OCA2: variants seen among roughly 807,000 people sequenced by gnomAD.
The protein encoded by OCA2 is OCA2 melanosomal transmembrane protein, also known as P protein.
OCA2 carries 77 observed loss-of-function variants against 100.2 expected under a neutral mutation model. The ratio of observed to expected loss-of-function variants is 0.77; its 90% CI spans 0.64 to 0.93. The LOEUF is 0.93. Among genes scored for constraint, OCA2 ranks in the 40% least tolerant of loss-of-function variants. The pLI is 0.00. For missense variants in OCA2, 1,062 were observed against 1,089.1 expected (o/e 0.98, Z 0.35); for synonymous variants, 432 against 439.2 (o/e 0.98, Z 0.21).
intron 9 of OCA2, among the ~76,000 whole-genome samples, chr15:28,003,626 A>C (rs929764805): frequency 6.7e-6 from 1 of 149,554 alleles, no homozygotes; most frequent in African/African-American, 2.6e-5. Context: ...TCCGTGGTGC[A>C]GCGCGTGAGC....
chr15:27,857,323 G>A (rs1055450694), intron 21 of OCA2, among the ~76,000 whole-genome samples: 26 of 152,170 alleles, frequency 1.7e-4, no homozygotes, highest in African/African-American at 5.8e-4. Context: ...AAGATACGAC[G>A]TTTGAAATTA....
chr15:28,020,004 G>C (rs1468611467), intron 6 of OCA2, among the ~76,000 whole-genome samples: 1 of 152,184 alleles, frequency 6.6e-6, no homozygotes. Flanking sequence ...GACCCACTGC[G>C]CTGGAGGACG....
At chr15:27,874,006 A>G (rs1187004435) in intron 19 of OCA2, among the ~76,000 whole-genome samples, 3 of 152,220 alleles carry the variant, frequency 2.0e-5, no homozygotes, top group African/African-American at 7.2e-5. Flanking sequence ...GTGAAACATC[A>G]TTAGTCTGTC....
intron 21 of OCA2, among the ~76,000 whole-genome samples, chr15:27,854,238 T>G (rs964137898): frequency 2.0e-4 from 30 of 152,208 alleles, no homozygotes; most frequent in Non-Finnish European, 3.1e-4. Context: ...TGGGCACTGC[T>G]GCTGCCCTGG....
At chr15:27,754,520 C>T (rs757217491), downstream of OCA2, among the ~76,000 whole-genome samples, 19 of 152,216 alleles carry the variant, frequency 1.2e-4, no homozygotes, top group Non-Finnish European at 1.8e-4. Context: ...GAGGAGACCT[C>T]GCAGGAAGCA....
Position 28,018,500 on chromosome 15 carries a change from G to GC in OCA2, c.703dup (p.Ala235GlyfsTer24). 6.2e-7 allele frequency: 1 copy of GC among 1,613,716 alleles called. No homozygotes were observed. The stretch of plus-strand genomic sequence containing the variant: ...ACGACTCGGCCCACTGGCCACTAGG[G>GC]CCCCTGCCAGGTCCACCTGCAGCAG... On this transcript the variant is annotated frameshift_variant, in exon 7 of 24. Transcript: ENST00000354638. LOFTEE classifies it high-confidence loss of function.
intron 22 of OCA2, among the ~76,000 whole-genome samples, chr15:27,847,286 G>A (rs1416790151): frequency 6.6e-6 from 1 of 152,230 alleles, no homozygotes; most frequent in African/African-American, 2.4e-5. Context: ...GGAGACAGAG[G>A]GCGGGGAGCT....
At chr15:27,845,961 T>C (rs1352925092) in intron 22 of OCA2, among the ~76,000 whole-genome samples, 1 of 152,134 alleles carries the variant, frequency 6.6e-6, no homozygotes, top group African/African-American at 2.4e-5. Context: ...CACGTCCCCA[T>C]GAAGACACAG....
At chr15:27,810,943 T>C (rs1216184816) in intron 23 of OCA2, among the ~76,000 whole-genome samples, 1 of 152,170 alleles carries the variant, frequency 6.6e-6, no homozygotes, top group African/African-American at 2.4e-5. Flanking sequence ...TAGTACAACC[T>C]CTATGGAAAA....
At chr15:27,721,382 T>C in the OCA2 span, among the ~76,000 whole-genome samples, 1 of 152,058 alleles carries the variant, frequency 6.6e-6, no homozygotes, top group African/African-American at 2.4e-5. Context: ...CACAAGAAAA[T>C]TATGTAATTT....
intron 18 of OCA2, 88 bp downstream of exon 18, chr15:27,951,696 G>T: frequency 1.0e-6 from 1 of 987,704 alleles, no homozygotes; most frequent in Non-Finnish European, 1.6e-6. Flanking sequence ...GGCTGCCTGT[G>T]GGCAAAGTCA....
chr15:27,955,460 T>C (rs186654247), intron 16 of OCA2, among the ~76,000 whole-genome samples: 2 of 152,312 alleles, frequency 1.3e-5, no homozygotes, highest in Non-Finnish European at 1.5e-5. Context: ...AGGAGGTACA[T>C]GTGACAGCTT....
At chr15:27,909,909 A>G (rs1249292645) in intron 19 of OCA2, among the ~76,000 whole-genome samples, 3 of 152,192 alleles carry the variant, frequency 2.0e-5, no homozygotes, top group Non-Finnish European at 4.4e-5. Flanking sequence ...AAATAAACAA[A>G]GACACACTAT....
intron 23 of OCA2, among the ~76,000 whole-genome samples, chr15:27,844,517 T>G (rs191076946): frequency 1.3e-5 from 2 of 151,898 alleles, no homozygotes; most frequent in African/African-American, 4.8e-5. Context: ...TCCCAGCAAT[T>G]TTTTTTTTCT....
intron 22 of OCA2, among the ~76,000 whole-genome samples, chr15:27,846,091 T>C (rs1237844074): frequency 6.6e-6 from 1 of 152,044 alleles, no homozygotes; most frequent in African/African-American, 2.4e-5. Flanking sequence ...GCCCCAGGCC[T>C]TTCTGTAGAC....
chr15:27,974,275 T>C (rs995311449), intron 14 of OCA2, among the ~76,000 whole-genome samples: 13 of 152,350 alleles, frequency 8.5e-5, no homozygotes, highest in Non-Finnish European at 1.9e-4. Context: ...TTCTTCCTAT[T>C]TGAGTTCCTT....
chr15:28,093,044 C>T (rs968707336), intron 1 of OCA2, among the ~76,000 whole-genome samples: 4 of 151,940 alleles, frequency 2.6e-5, no homozygotes, highest in East Asian at 3.9e-4. Context: ...AGGATATGCA[C>T]ACGGCAACTA....
chr15:28,042,969 T>C (rs2043249304), intron 2 of OCA2, among the ~76,000 whole-genome samples: 1 of 152,190 alleles, frequency 6.6e-6, no homozygotes, highest in Admixed American at 6.5e-5. Flanking sequence ...CTAGTTTCAT[T>C]ACAGAGGGTG....
intron 19 of OCA2, among the ~76,000 whole-genome samples, chr15:27,909,523 A>C (rs1469637892): frequency 6.6e-6 from 1 of 152,200 alleles, no homozygotes; most frequent in Non-Finnish European, 1.5e-5. Flanking sequence ...ATAAAGCCTC[A>C]AACAATTTGA....
Sources: gnomAD v4.1 joint callset for allele counts (sites outside exome capture counted in the v4.1 genomes callset) on GRCh38, gnomAD v4.1.1 for gene constraint, MANE v1.5 for transcripts, NCBI Gene and HGNC (gene_info 2026-07-23, HGNC 2026-07-21) for gene names.